Variants in MYO15B observed in about 807,000 individuals in gnomAD.
The protein encoded by MYO15B is myosin XVB pseudogene.
MYO15B carries 207 observed loss-of-function variants against 119.3 expected under a neutral mutation model. The ratio of observed to expected loss-of-function variants is 1.73; its 90% CI spans 1.55 to 1.95. MYO15B has a LOEUF of 1.95. Ranked by LOEUF, MYO15B falls within the 30% of genes most tolerant of loss-of-function variation. The pLI, the probability that MYO15B is intolerant of heterozygous loss-of-function variation, is 0.00. For missense variants in MYO15B, 2,264 were observed against 1,203.1 expected, an observed-to-expected ratio of 1.88 and a Z score of -13.04; for synonymous variants, 966 against 498.9, an observed-to-expected ratio of 1.94 and a Z score of -12.48.
exon 53 of MYO15B, chr17:75,622,035 G>T (rs1293426433): frequency 2.8e-6 from 2 of 702,888 alleles, no homozygotes; most frequent in East Asian, 2.7e-5. Flanking sequence ...ACCAGTCCAA[G>T]CCCCGGGGCA....
Position 75,624,351 on chromosome 17 carries a change from C to T in MYO15B, c.8368-19C>T, listed in dbSNP as rs2058894059. On this transcript the variant is annotated intron_variant, in intron 56 of 63. Transcript: ENST00000645453. ...ACAGGAGACCACTGGCCGACTGACC[C>T]TGCAACCTGCCTTGGCAGAAAGGAC... The T allele has an allele frequency of 4.3e-6, 3 of 702,584 alleles. No homozygotes were observed. The highest frequency in any genetic ancestry group is 7.8e-6 in the Non-Finnish European group (3 of 385,010). The allele number at this position is 702,584 out of a possible 1,614,324, so 43.5% of individuals were successfully genotyped here. A position where few individuals can be genotyped will look rare whatever the true frequency, so the allele number is the denominator to read the frequency against.
intron 53 of MYO15B, among the ~76,000 whole-genome samples, chr17:75,622,981 C>A (rs1227418740): frequency 6.6e-6 from 1 of 152,148 alleles, no homozygotes; most frequent in Non-Finnish European, 1.5e-5. Flanking sequence ...TTCAAGGGCA[C>A]AGCACCGCTC....
intron 24 of MYO15B, 36 bp from the exon 25 acceptor site, chr17:75,611,850 G>T: frequency 1.4e-6 from 1 of 702,244 alleles, no homozygotes; most frequent in Non-Finnish European, 2.6e-6. Flanking sequence ...ACCACACCTG[G>T]ATGCTCCTGG....
chr17:75,602,878 C>G (rs1321433575), exon 17 of MYO15B: 1 of 676,864 alleles, frequency 1.5e-6, no homozygotes. Flanking sequence ...CAGGGGAGGG[C>G]GAGGCAGACC....
At chr17:75,600,348 C>A (rs7213005) in intron 14 of MYO15B, among the ~76,000 whole-genome samples, 1 of 150,236 alleles carries the variant, frequency 6.7e-6, no homozygotes, top group African/African-American at 2.4e-5. Context: ...TTTGAAAGAC[C>A]TGTTTAAAAG....
In MYO15B at chr17:75,615,891, A is replaced by G; in HGVS notation, c.6030+7A>G. 1.5e-6 allele frequency: 1 copy of G among 667,058 alleles called. No individual in the cohort carries two copies. Among genetic ancestry groups the G allele is most frequent in the South Asian group, 1.6e-5 (1 of 61,902 alleles). The allele number at this position is 667,058 out of a possible 1,614,324, so 41.3% of individuals were successfully genotyped here. ...AGAGGGTGGCTGCCTGAGGGTGAGG[A>G]GGTGACCATATTCTCAGGAAGGGAT... On this transcript the variant is annotated splice_region_variant and intron_variant, in intron 36 of 63. Coordinates refer to ENST00000645453, the Ensembl canonical transcript of MYO15B.
chr17:75,592,908 C>T (rs749476219), intron 9 of MYO15B, 68 bp downstream of exon 9: 34 of 663,010 alleles, frequency 5.1e-5, no homozygotes, highest in African/African-American at 2.1e-4. Flanking sequence ...GTGGTAATGA[C>T]GCCAAATGCT....
exon 9 of MYO15B, chr17:75,592,836 C>T (rs1056156299): frequency 1.4e-6 from 1 of 701,222 alleles, no homozygotes; most frequent in Non-Finnish European, 2.6e-6. Context: ...TTCTCCTCCT[C>T]AGAGGTGGGC....
chr17:75,610,894 C>T lies in MYO15B; in HGVS notation c.4387-6C>T, dbSNP rs772925043. On this transcript the variant is annotated splice_polypyrimidine_tract_variant and splice_region_variant and intron_variant, in intron 22 of 63. Coordinates refer to ENST00000645453, the Ensembl canonical transcript of MYO15B. ...GCATCAGCTCTTCCCACATCTCTTC[C>T]AACAGCTTGGGCGTTGGCAGGGCTG... 38 of 703,012 alleles carry T rather than the reference C, an allele frequency of 5.4e-5. No individual in the cohort carries two copies. The highest frequency in any genetic ancestry group is 1.5e-5 in the South Asian group (1 of 67,600). The allele number at this position is 703,012 out of a possible 1,614,324, so 43.5% of individuals were successfully genotyped here.
intron 22 of MYO15B, among the ~76,000 whole-genome samples, 194 bp downstream of exon 22, chr17:75,610,453 C>T (rs940515926): frequency 5.3e-5 from 8 of 152,186 alleles, no homozygotes; most frequent in African/African-American, 1.9e-4. Flanking sequence ...GTGCTGTCTT[C>T]CTCCATCCCT....
At position 75,614,850 on chromosome 17, in the gene MYO15B, G is replaced by GT. The variant is rs1232987814; in HGVS notation, c.5559+2dup. ...GCCAGTGATATCCTCCGGCCTCAGC[G>GT]TGAGTCGGGCACAGCCCCCAAATGC... On this transcript the variant is annotated splice_donor_variant, in intron 32 of 63. Coordinates refer to ENST00000645453, the Ensembl canonical transcript of MYO15B. LOFTEE classifies it high-confidence loss of function. 1.4e-6 allele frequency: 1 copy of GT among 702,710 alleles called. No homozygotes were observed. Among genetic ancestry groups the GT allele is most frequent in the African/African-American group, 1.7e-5 (1 of 57,274 alleles). 43.5% of individuals were successfully genotyped at this position (702,710 alleles called of 1,614,324 possible). A position where few individuals can be genotyped will look rare whatever the true frequency, so the allele number is the denominator to read the frequency against.
In MYO15B at chr17:75,613,225, G is replaced by A. The variant is rs753235662; in HGVS notation, c.4967+16G>A. The A allele has an allele frequency of 5.9e-6, 4 of 682,868 alleles. No homozygotes were observed. The highest frequency in any genetic ancestry group is 2.7e-6 in the Non-Finnish European group (1 of 369,728). The allele number at this position is 682,868 out of a possible 1,614,324, so 42.3% of individuals were successfully genotyped here. A position where few individuals can be genotyped will look rare whatever the true frequency, so the allele number is the denominator to read the frequency against. On this transcript the variant is annotated intron_variant, in intron 27 of 63. Transcript: ENST00000645453. ...CACTGCTCAAGTAAGGGGCCTGGGA[G>A]GTGGGGACCTGGCAGGTGGGGTCGC...
intron 15 of MYO15B, among the ~76,000 whole-genome samples, chr17:75,602,088 G>C (rs2057321178): frequency 6.6e-6 from 1 of 152,214 alleles, no homozygotes; most frequent in Non-Finnish European, 1.5e-5. Flanking sequence ...GGGAAGGGCA[G>C]TAGGGAGAAT....
intron 21 of MYO15B, among the ~76,000 whole-genome samples, chr17:75,607,720 C>A (rs2057748536): frequency 6.6e-6 from 1 of 152,108 alleles, no homozygotes; most frequent in African/African-American, 2.4e-5. Flanking sequence ...CTCAGCCTCT[C>A]AAAGTGCTGG....
chr17:75,614,876 C>G, intron 32 of MYO15B, 27 bp downstream of exon 32: 1 of 702,882 alleles, frequency 1.4e-6, no homozygotes, highest in South Asian at 1.5e-5. Context: ...CCCCAAATGC[C>G]CCTGCCCCAA....
exon 17 of MYO15B, chr17:75,602,942 G>A (rs1411910702): frequency 1.3e-5 from 9 of 692,094 alleles, no homozygotes; most frequent in Admixed American, 1.0e-4. Context: ...GCCCGGCTGG[G>A]CAGGTAAGAA....
Position 75,589,333 on chromosome 17 carries a change from CG to C in MYO15B, c.1277del (p.Arg426ProfsTer72), listed in dbSNP as rs1428388208. 1.1e-4 allele frequency: 37 copies of C among 328,516 alleles called. No individual in the cohort carries two copies. The highest frequency in any genetic ancestry group is 1.9e-4 in the Non-Finnish European group (36 of 189,252). The allele number at this position is 328,516 out of a possible 1,614,324, so 20.4% of individuals were successfully genotyped here. A position where few individuals can be genotyped will look rare whatever the true frequency, so the allele number is the denominator to read the frequency against. Reference sequence around the variant, plus strand: ...TGGGAGAGGAAGCAAGGGGCGGGGCCGCGGGAAAGCGGATGAAGGGCGGGGC... The same window carrying C: ...TGGGAGAGGAAGCAAGGGGCGGGGCCCGGGAAAGCGGATGAAGGGCGGGGC... On this transcript the variant is annotated frameshift_variant, in exon 1 of 64. Coordinates refer to ENST00000645453, the Ensembl canonical transcript of MYO15B. LOFTEE classifies it high-confidence loss of function. The surrounding 1 kb of genome is among the most constrained non-coding windows in gnomAD (Gnocchi z 4.2).
exon 52 of MYO15B, chr17:75,621,564 T>C (rs1045350085): frequency 2.0e-5 from 14 of 701,344 alleles, no homozygotes; most frequent in African/African-American, 1.2e-4. Flanking sequence ...TGTAGCCAGC[T>C]TCCTGGGTGA....
chr17:75,616,670 G>A (rs1189928797), exon 39 of MYO15B: 1 of 702,970 alleles, frequency 1.4e-6, no homozygotes, highest in Admixed American at 2.0e-5. Context: ...GGGGACTGTG[G>A]TGCGCAGCTC....
Sources: allele counts gnomAD v4.1 joint callset (sites outside exome capture counted in the v4.1 genomes callset), GRCh38; gene constraint gnomAD v4.1.1; non-coding constraint Gnocchi (gnomAD v3.1); transcripts MANE v1.5; gene names NCBI Gene and HGNC (gene_info 2026-07-23, HGNC 2026-07-21).